Variants in PPM1H observed in about 807,000 individuals in gnomAD.
PPM1H encodes protein phosphatase, Mg2+/Mn2+ dependent 1H, also known as protein phosphatase 1H.
In PPM1H, 27 loss-of-function variants were observed where a neutral mutation model predicts 54.9. That is an observed-to-expected ratio of 0.49 (90% CI 0.36 to 0.68). The LOEUF (loss-of-function observed/expected upper bound fraction) is 0.68, where lower values mean the gene tolerates loss of function less well. PPM1H is among the 30% of genes least tolerant of loss of function. The pLI is 0.00. For missense variants in PPM1H, 596 were observed against 667.8 expected, an observed-to-expected ratio of 0.89 and a Z score of 1.19; for synonymous variants, 305 against 270.8, an observed-to-expected ratio of 1.13 and a Z score of -1.24.
intron 2 of PPM1H, among the ~76,000 whole-genome samples, chr12:62,816,402 T>A (rs941256833): frequency 1.3e-5 from 2 of 152,234 alleles, no homozygotes; most frequent in Non-Finnish European, 2.9e-5. Flanking sequence ...ACACCTGATC[T>A]CAGTGGGTCA....
intron 4 of PPM1H, among the ~76,000 whole-genome samples, chr12:62,738,489 A>G (rs1055867286): frequency 1.8e-4 from 28 of 152,138 alleles, no homozygotes; most frequent in Admixed American, 7.2e-4. Flanking sequence ...GCAGATGTCT[A>G]TAGGAGAGGC....
intron 9 of PPM1H, among the ~76,000 whole-genome samples, chr12:62,659,826 C>G (rs79178170): frequency 1.3e-5 from 2 of 152,166 alleles, no homozygotes; most frequent in African/African-American, 4.8e-5. Context: ...CCCTTCTCAC[C>G]GGCTTTGTTC....
In PPM1H at chr12:62,788,312, A is replaced by C. The variant is rs1471592097; in HGVS notation, c.783T>G (p.Ser261Arg). The change falls in exon 4 of 10, where the codon AGT becomes AGG. Residue 261 changes from serine (S) to arginine (R), a missense_variant. Around this residue, in one of 3 missense-constraint regions of PPM1H, gnomAD observed 382 missense variants for 387.1 expected, o/e 0.99. Transcript: ENST00000228705. ...EMDLQIERER[S>R]SYNISGGCTA... is the part of the protein sequence containing the mutation. ...TGCAGCCACCAGATATATTATATGA[A>C]CTCCTCTCTCGTTCTATCTGTAGGT... 3 of 1,583,066 alleles carry C rather than the reference A, an allele frequency of 1.9e-6. No individual in the cohort carries two copies. The highest frequency in any genetic ancestry group is 2.6e-6 in the Non-Finnish European group (3 of 1,162,996).
intron 2 of PPM1H, among the ~76,000 whole-genome samples, chr12:62,806,393 A>C (rs1464498555): frequency 6.6e-6 from 1 of 152,224 alleles, no homozygotes; most frequent in Non-Finnish European, 1.5e-5. Context: ...AGTAGGCAGT[A>C]GAGATAAAAG....
At chr12:62,720,085 C>G in intron 6 of PPM1H, 86 bp downstream of exon 6, 1 of 1,204,372 alleles carries the variant, frequency 8.3e-7, no homozygotes, top group Non-Finnish European at 1.2e-6. Context: ...CTTCCTGATC[C>G]AAACTGTGTA....
At chr12:62,725,519 A>C (rs949719847) in intron 5 of PPM1H, among the ~76,000 whole-genome samples, 1 of 152,200 alleles carries the variant, frequency 6.6e-6, no homozygotes, top group Non-Finnish European at 1.5e-5. Flanking sequence ...CACCCACTTT[A>C]TCCAATTATA....
At chr12:62,857,828 A>G (rs1869445415) in intron 1 of PPM1H, among the ~76,000 whole-genome samples, 1 of 152,046 alleles carries the variant, frequency 6.6e-6, no homozygotes, top group Non-Finnish European at 1.5e-5. Context: ...TATTGTGCAC[A>G]TTATATTTTA....
rs1565807100 is a variant in PPM1H at position 62,844,286 on chromosome 12, T to C, written c.246-12007A>G. Among the ~76,000 whole-genome samples, 1 of 152,192 alleles carries C rather than the reference T, an allele frequency of 6.6e-6. No homozygotes were observed. The highest frequency in any genetic ancestry group is 2.4e-5 in the African/African-American group (1 of 41,444). ...TTCTGTACAAAGCCAGTATGTAACA[T>C]TACAGTGATTTGCTTAGTATGGATT... On this transcript the variant is annotated intron_variant, in intron 1 of 9. Transcript: ENST00000228705. This position sits in a 1 kb window ranked among gnomAD's most constrained non-coding sequence, Gnocchi z 5.2.
At chr12:62,865,973 C>T (rs1869760078) in intron 1 of PPM1H, among the ~76,000 whole-genome samples, 1 of 152,172 alleles carries the variant, frequency 6.6e-6, no homozygotes, top group Non-Finnish European at 1.5e-5. Flanking sequence ...TTATAAATTC[C>T]CTAAACTTCC....
chr12:62,913,114 A>G (rs1178955809), intron 1 of PPM1H, among the ~76,000 whole-genome samples: 1 of 152,208 alleles, frequency 6.6e-6, no homozygotes, highest in Non-Finnish European at 1.5e-5. Flanking sequence ...TTCAAGTTCC[A>G]AAGAAAGTGA....
intron 1 of PPM1H, among the ~76,000 whole-genome samples, chr12:62,898,723 C>G (rs117678996): frequency 0.014 from 2,174 of 152,294 alleles, 19 homozygotes; most frequent in Non-Finnish European, 0.023. Flanking sequence ...TAATTACCAA[C>G]CCACATTTCT....
intron 1 of PPM1H, among the ~76,000 whole-genome samples, chr12:62,877,097 C>T (rs1870201179): frequency 6.6e-6 from 1 of 152,198 alleles, no homozygotes; most frequent in African/African-American, 2.4e-5. Flanking sequence ...CTAGGGTACG[C>T]ATATTTTGCT....
chr12:62,856,940 C>G (rs1869412856), intron 1 of PPM1H, among the ~76,000 whole-genome samples: 1 of 152,084 alleles, frequency 6.6e-6, no homozygotes, highest in Admixed American at 6.5e-5. Flanking sequence ...TATTTCACCT[C>G]CTAGCTATGC....
chr12:62,856,589 A>C (rs1444454772), intron 1 of PPM1H, among the ~76,000 whole-genome samples: 1 of 152,226 alleles, frequency 6.6e-6, no homozygotes, highest in Admixed American at 6.5e-5. Flanking sequence ...TGCCCAATAC[A>C]ACAAAATGAT....
At chr12:62,880,207 G>A (rs776268409) in intron 1 of PPM1H, among the ~76,000 whole-genome samples, 2 of 152,142 alleles carry the variant, frequency 1.3e-5, no homozygotes, top group Non-Finnish European at 2.9e-5. Context: ...ATGTAATTTA[G>A]TAGAAAACAG....
At chr12:62,928,978 G>C (rs909950552) in intron 1 of PPM1H, among the ~76,000 whole-genome samples, 1 of 152,102 alleles carries the variant, frequency 6.6e-6, no homozygotes, top group Non-Finnish European at 1.5e-5. Flanking sequence ...GGAAGGTCTT[G>C]GGCCTTCAGG....
Position 62,767,722 on chromosome 12 carries a change from C to T in PPM1H, c.869+20504G>A, listed in dbSNP as rs189184803. On this transcript the variant is annotated intron_variant, in intron 4 of 9. Transcript: ENST00000228705. ...TAACACAATAGAAAATGACTTCTCT[C>T]ACAGTTCTGGAGTCTGGAAGCCTGA... Among the ~76,000 whole-genome samples the T allele has an allele frequency of 4.6e-5, 7 of 152,274 alleles. No homozygotes were observed. In the East Asian group the frequency reaches 7.7e-4, roughly 17 times the overall value.
At chr12:62,663,992 CA>C (rs66772973) in intron 9 of PPM1H, among the ~76,000 whole-genome samples, 71,629 of 139,576 alleles carry the variant, frequency 0.51, 19,453 homozygotes, top group African/African-American at 0.73. Context: ...AACTCCATCT[CA>C]AAAAAAAAAA....
intron 5 of PPM1H, among the ~76,000 whole-genome samples, chr12:62,730,628 C>T (rs768904730): frequency 4.6e-5 from 7 of 151,978 alleles, no homozygotes; most frequent in South Asian, 2.1e-4. Flanking sequence ...AATCAAAATA[C>T]GAATTTTCCG....
Sources: gnomAD v4.1 joint callset for allele counts (sites outside exome capture counted in the v4.1 genomes callset) on GRCh38, gnomAD v4.1.1 for gene constraint, gnomAD v4.1.1 regional missense constraint, Gnocchi (gnomAD v3.1) non-coding constraint, MANE v1.5 for transcripts, NCBI Gene and HGNC (gene_info 2026-07-23, HGNC 2026-07-21) for gene names.